Variants in CNTNAP5 observed in about 807,000 individuals in gnomAD.
CNTNAP5 encodes contactin associated protein family member 5.
In CNTNAP5, 72 loss-of-function variants were observed where a neutral mutation model predicts 150.2. The ratio of observed to expected loss-of-function variants is 0.48; its 90% CI spans 0.40 to 0.58. The LOEUF (loss-of-function observed/expected upper bound fraction) is 0.58. Among genes scored for constraint, CNTNAP5 ranks in the 20% least tolerant of loss-of-function variants. The pLI, the probability that CNTNAP5 is intolerant of heterozygous loss-of-function variation, is 0.00. For missense variants in CNTNAP5, 1,636 were observed against 1,626.2 expected (o/e 1.01, Z -0.10); for synonymous variants, 672 against 619.8 (o/e 1.08, Z -1.25).
chr2:124,055,371 T>C (rs1681818005), intron 1 of CNTNAP5, among the ~76,000 whole-genome samples: 1 of 152,194 alleles, frequency 6.6e-6, no homozygotes, highest in Admixed American at 6.5e-5. Flanking sequence ...CTCCAACCCC[T>C]TCCGCTGCTA....
rs1217046501 is a variant in CNTNAP5 at position 124,679,571 on chromosome 2, C to CT, written c.2077+31625dup. On this transcript the variant is annotated intron_variant, in intron 13 of 23. Transcript: ENST00000682447. ...AAAATGCTGGCTAATTGTCCCATAT[C>CT]TTTTTTTTTTTTGGAGCGGGGAGTG... 2.9e-3 allele frequency among the ~76,000 whole-genome samples: 421 copies of CT among 145,232 alleles called. 2 individuals carry two copies. Among genetic ancestry groups the CT allele is most frequent in the African/African-American group, 7.2e-3 (289 of 40,006 alleles).
rs546739175 is a variant in CNTNAP5 at position 124,845,942 on chromosome 2, T to C, written c.3218-19364T>C. Among the ~76,000 whole-genome samples the C allele has an allele frequency of 3.3e-5, 5 of 152,126 alleles. No homozygotes were observed. The South Asian group carries it at 1.0e-3, about 32-fold the overall frequency. On this transcript the variant is annotated intron_variant, in intron 19 of 23. Coordinates refer to ENST00000682447, the MANE Select transcript of CNTNAP5 (RefSeq NM_001367498.1). Reference sequence around the variant, plus strand: ...TTTATCTTTTCAAAGAACCAGCTTTTTTTTTTCATCTATCTTCTGTATTTT... The same window carrying C: ...TTTATCTTTTCAAAGAACCAGCTTTCTTTTTTCATCTATCTTCTGTATTTT...
At chr2:124,098,702 G>A (rs746316314) in intron 1 of CNTNAP5, among the ~76,000 whole-genome samples, 7 of 151,918 alleles carry the variant, frequency 4.6e-5, no homozygotes, top group Admixed American at 6.6e-5. Flanking sequence ...AGCCTGAGCC[G>A]TACTCTCTGT....
intron 5 of CNTNAP5, among the ~76,000 whole-genome samples, chr2:124,441,179 A>C (rs1484512244): frequency 6.6e-6 from 1 of 152,118 alleles, no homozygotes; most frequent in African/African-American, 2.4e-5. Context: ...ACTAATGGAA[A>C]AAGAGTGATG....
chr2:124,642,363 A>G (rs1053274460), intron 12 of CNTNAP5, among the ~76,000 whole-genome samples: 1 of 152,168 alleles, frequency 6.6e-6, no homozygotes, highest in Non-Finnish European at 1.5e-5. Flanking sequence ...ACTATTACAT[A>G]ATACAGGCTT....
At chr2:124,897,981 G>A (rs1032675885) in intron 21 of CNTNAP5, among the ~76,000 whole-genome samples, 3 of 148,968 alleles carry the variant, frequency 2.0e-5, no homozygotes, top group African/African-American at 7.5e-5. Flanking sequence ...GTGTGTGTAT[G>A]TGTGTGTAAC....
chr2:124,875,959 A>G (rs1284739129), intron 21 of CNTNAP5, among the ~76,000 whole-genome samples: 2 of 152,138 alleles, frequency 1.3e-5, no homozygotes, highest in Non-Finnish European at 2.9e-5. Flanking sequence ...GATCTGCTTC[A>G]GGTACAGCTG....
intron 11 of CNTNAP5, among the ~76,000 whole-genome samples, chr2:124,565,364 G>A (rs1272879804): frequency 6.6e-6 from 1 of 152,036 alleles, no homozygotes; most frequent in East Asian, 1.9e-4. Context: ...TACCACAAAG[G>A]ATAAATGCTT....
At chr2:124,187,155 C>A (rs542457701) in intron 1 of CNTNAP5, among the ~76,000 whole-genome samples, 2 of 152,112 alleles carry the variant, frequency 1.3e-5, no homozygotes, top group East Asian at 3.9e-4. Flanking sequence ...AAAAGAGCAA[C>A]CTGGAAGGAA....
chr2:124,087,069 A>G (rs1409006861), intron 1 of CNTNAP5, among the ~76,000 whole-genome samples: 1 of 151,874 alleles, frequency 6.6e-6, no homozygotes, highest in Non-Finnish European at 1.5e-5. Flanking sequence ...TGAATAAAAT[A>G]CAGAAACCTT....
At chr2:124,629,949 A>C (rs975987554) in intron 12 of CNTNAP5, among the ~76,000 whole-genome samples, 3 of 150,628 alleles carry the variant, frequency 2.0e-5, no homozygotes, top group African/African-American at 7.2e-5. Flanking sequence ...AAAAAAAAAA[A>C]AAAAAACTGG....
chr2:124,685,044 C>G (rs1679159382), intron 13 of CNTNAP5, among the ~76,000 whole-genome samples: 1 of 152,050 alleles, frequency 6.6e-6, no homozygotes, highest in East Asian at 1.9e-4. Context: ...TCATGCCTGC[C>G]ATAGGAATTA....
intron 8 of CNTNAP5, among the ~76,000 whole-genome samples, chr2:124,517,202 G>A (rs1694739137): frequency 6.6e-6 from 1 of 152,004 alleles, no homozygotes; most frequent in South Asian, 2.1e-4. Context: ...GTGGAGGGTT[G>A]TGGTGTTGGT....
intron 13 of CNTNAP5, among the ~76,000 whole-genome samples, chr2:124,730,215 G>T (rs970641753): frequency 2.0e-5 from 3 of 151,888 alleles, no homozygotes; most frequent in Non-Finnish European, 4.4e-5. Context: ...TAAATCTTAG[G>T]TAAAAAATGT....
At chr2:124,182,905 A>C (rs1685243425) in intron 1 of CNTNAP5, among the ~76,000 whole-genome samples, 1 of 152,112 alleles carries the variant, frequency 6.6e-6, no homozygotes, top group Non-Finnish European at 1.5e-5. Flanking sequence ...ACATTTCTGA[A>C]TCTTTCATGC....
At chr2:124,359,554 C>T (rs1471045489) in intron 3 of CNTNAP5, among the ~76,000 whole-genome samples, 73 of 145,674 alleles carry the variant, frequency 5.0e-4, no homozygotes, top group African/African-American at 1.8e-3. Flanking sequence ...GCCTTCATTT[C>T]GTTATGTACC....
intron 3 of CNTNAP5, among the ~76,000 whole-genome samples, chr2:124,341,079 C>A (rs996030420): frequency 4.0e-5 from 6 of 151,440 alleles, no homozygotes; most frequent in Non-Finnish European, 7.4e-5. Context: ...CCCTGTCTCA[C>A]ACACACACAA....
At position 124,893,419 on chromosome 2, in the gene CNTNAP5, G is replaced by A. The variant is rs114117118; in HGVS notation, c.3437-9463G>A. 4.8e-3 allele frequency among the ~76,000 whole-genome samples: 732 copies of A among 152,202 alleles called. 3 individuals carry two copies. The highest frequency in any genetic ancestry group is 7.7e-3 in the Non-Finnish European group (524 of 67,990). On this transcript the variant is annotated intron_variant, in intron 21 of 23. Coordinates refer to ENST00000682447, the MANE Select transcript of CNTNAP5 (RefSeq NM_001367498.1). The stretch of plus-strand genomic sequence containing the variant: ...CACACAAGCTGAAACTGGGTAAAGC[G>A]ATCTTAATAAGAACTATGGTAGTTC...
At chr2:124,530,652 G>T (rs756052135) in intron 10 of CNTNAP5, among the ~76,000 whole-genome samples, 2 of 152,180 alleles carry the variant, frequency 1.3e-5, no homozygotes, top group Non-Finnish European at 2.9e-5. Flanking sequence ...AAGCAGGAAG[G>T]TGTTGGTACT....
Sources: allele counts gnomAD v4.1 joint callset (sites outside exome capture counted in the v4.1 genomes callset), GRCh38; gene constraint gnomAD v4.1.1; transcripts MANE v1.5; gene names NCBI Gene and HGNC (gene_info 2026-07-23, HGNC 2026-07-21).